The following SUSD6 variants were observed in gnomAD, a reference collection of about 807,000 sequenced individuals.
The protein encoded by SUSD6 is sushi domain-containing protein 6.
Under a neutral mutation model 28.4 loss-of-function variants are expected in SUSD6, and 16 were observed. The observed-to-expected ratio is 0.56, with a 90% CI of 0.38 to 0.86. The LOEUF (loss-of-function observed/expected upper bound fraction) is 0.86, where lower values mean the gene tolerates loss of function less well. SUSD6 is among the 40% of genes least tolerant of loss of function. The pLI is 0.00. For synonymous variants in SUSD6, 147 were observed against 159.6 expected, an observed-to-expected ratio of 0.92 and a Z score of 0.59; for missense variants, 341 against 384.2, an observed-to-expected ratio of 0.89 and a Z score of 0.94.
At chr14:69,703,688 G>C in intron 3 of SUSD6, 96 bp downstream of exon 3, 1 of 1,149,130 alleles carries the variant, frequency 8.7e-7, no homozygotes, top group Non-Finnish European at 1.3e-6. Flanking sequence ...ACTCTTTGCT[G>C]TGGTGCAGCC....
At chr14:69,646,233 T>G (rs1028999952) in intron 1 of SUSD6, among the ~76,000 whole-genome samples, 1 of 152,200 alleles carries the variant, frequency 6.6e-6, no homozygotes, top group Admixed American at 6.5e-5. Flanking sequence ...TCTCTGTCTC[T>G]CTCTTGACAT....
chr14:69,641,843 G>A (rs566450334), intron 1 of SUSD6, among the ~76,000 whole-genome samples: 120 of 152,114 alleles, frequency 7.9e-4, no homozygotes, highest in African/African-American at 2.8e-3. Context: ...GGAATCAAGA[G>A]ATCCTCCTGC....
Position 69,672,694 on chromosome 14 carries a change from A to G in SUSD6, c.121+13981A>G, listed in dbSNP as rs149792519. 5.6e-4 allele frequency among the ~76,000 whole-genome samples: 86 copies of G among 152,320 alleles called. 1 individual carries two copies. The South Asian group carries it at 0.01, about 18-fold the overall frequency. On this transcript the variant is annotated intron_variant, in intron 2 of 5. Transcript: ENST00000342745. ...GGTGTATTCTTCAGGTCTCATGTTGAAACTTCACAGAGCACCCCCGAGTGT... is the reference window on the plus strand; with the variant it reads ...GGTGTATTCTTCAGGTCTCATGTTGGAACTTCACAGAGCACCCCCGAGTGT...
intron 2 of SUSD6, among the ~76,000 whole-genome samples, chr14:69,668,357 G>T (rs1885776681): frequency 6.6e-6 from 1 of 152,082 alleles, no homozygotes; most frequent in East Asian, 1.9e-4. Context: ...ATCCCCAGCT[G>T]GGTGCAGTGG....
chr14:69,636,268 C>T (rs543420094), intron 1 of SUSD6, among the ~76,000 whole-genome samples: 36 of 152,308 alleles, frequency 2.4e-4, no homozygotes, highest in African/African-American at 5.3e-4. Context: ...AAGGCATAGA[C>T]GGAGGTGACA....
At position 69,614,004 on chromosome 14, in the gene SUSD6, C is replaced by G. The variant is rs78593883; in HGVS notation, c.-81+2176C>G. 3.5e-3 allele frequency among the ~76,000 whole-genome samples: 526 copies of G among 152,312 alleles called. 3 individuals are homozygous for G. The highest frequency in any genetic ancestry group is 0.017 in the Middle Eastern group (5 of 294). ...GATACAGGCTGGCAGATAAAGAGAC[C>G]TCAGCACTTTGTCTGTTTTCCTGGT... On this transcript the variant is annotated intron_variant, in intron 1 of 5. Coordinates refer to ENST00000342745, the MANE Select transcript of SUSD6 (RefSeq NM_014734.4).
At chr14:69,628,719 G>GTTT (rs11357371) in intron 1 of SUSD6, among the ~76,000 whole-genome samples, 22 of 120,334 alleles carry the variant, frequency 1.8e-4, no homozygotes, top group African/African-American at 2.7e-4. Flanking sequence ...CCTGTGGTGG[G>GTTT]TTTTTTTTTT....
chr14:69,627,800 G>C (rs1394120398), intron 1 of SUSD6, among the ~76,000 whole-genome samples: 2 of 152,098 alleles, frequency 1.3e-5, no homozygotes, highest in African/African-American at 4.8e-5. Flanking sequence ...AGATGTTCTT[G>C]CTGTCAGAAT....
intron 4 of SUSD6, among the ~76,000 whole-genome samples, chr14:69,708,462 T>G (rs1886414678): frequency 6.6e-6 from 1 of 152,192 alleles, no homozygotes; most frequent in African/African-American, 2.4e-5. Context: ...GGCAAGTTAA[T>G]TAACTTCTCT....
At chr14:69,669,268 T>C (rs1885794326) in intron 2 of SUSD6, among the ~76,000 whole-genome samples, 1 of 152,082 alleles carries the variant, frequency 6.6e-6, no homozygotes, top group Non-Finnish European at 1.5e-5. Context: ...TTCACCATGT[T>C]GGCCAGGATG....
intron 2 of SUSD6, among the ~76,000 whole-genome samples, chr14:69,697,137 C>T (rs1886236255): frequency 6.6e-6 from 1 of 152,140 alleles, no homozygotes; most frequent in Admixed American, 6.5e-5. Flanking sequence ...CATTTGTGAA[C>T]TGTCATGGCT....
intron 1 of SUSD6, among the ~76,000 whole-genome samples, chr14:69,648,288 G>A (rs1237595346): frequency 6.6e-6 from 1 of 152,206 alleles, no homozygotes; most frequent in Non-Finnish European, 1.5e-5. Context: ...TAAAGAGAAT[G>A]CTGAAGTAGC....
chr14:69,671,285 T>C (rs1885827795), intron 2 of SUSD6, among the ~76,000 whole-genome samples: 1 of 152,172 alleles, frequency 6.6e-6, no homozygotes, highest in Admixed American at 6.5e-5. Context: ...AGGATGTTAA[T>C]TTTAGGTACA....
chr14:69,665,301 C>T (rs1885722975), intron 2 of SUSD6, among the ~76,000 whole-genome samples: 1 of 152,116 alleles, frequency 6.6e-6, no homozygotes, highest in Non-Finnish European at 1.5e-5. Context: ...AGTGCAGTGG[C>T]TCTGTCACAG....
chr14:69,695,221 C>T (rs1361639893), intron 2 of SUSD6, among the ~76,000 whole-genome samples: 1 of 152,050 alleles, frequency 6.6e-6, no homozygotes, highest in African/African-American at 2.4e-5. Context: ...AGCCAGAAGG[C>T]TGGGCAGAGC....
intron 1 of SUSD6, among the ~76,000 whole-genome samples, chr14:69,622,733 A>C (rs954225066): frequency 6.6e-6 from 1 of 152,026 alleles, no homozygotes; most frequent in Non-Finnish European, 1.5e-5. Context: ...AGCTGGGATT[A>C]CAGGCGCCCA....
chr14:69,678,966 T>A (rs1238303237), intron 2 of SUSD6, among the ~76,000 whole-genome samples: 4 of 152,210 alleles, frequency 2.6e-5, no homozygotes, highest in Admixed American at 6.5e-5. Context: ...ACTTTCTGCA[T>A]ATTCTTCACA....
At chr14:69,622,982 T>A (rs1247034598) in intron 1 of SUSD6, among the ~76,000 whole-genome samples, 1 of 152,196 alleles carries the variant, frequency 6.6e-6, no homozygotes, top group Admixed American at 6.5e-5. Flanking sequence ...TGGCAACCAG[T>A]ATGCATATGG....
In SUSD6 at chr14:69,681,385, C is replaced by A. The variant is rs747922611; in HGVS notation, c.122-22010C>A. Reference sequence around the variant, plus strand: ...GCCTAAAAAAATAAAACTTTATAAACCCTGGACATCTGTTAGACATGCAAA... The same window carrying A: ...GCCTAAAAAAATAAAACTTTATAAAACCTGGACATCTGTTAGACATGCAAA... On this transcript the variant is annotated intron_variant, in intron 2 of 5. Transcript: ENST00000342745. Among the ~76,000 whole-genome samples the A allele has an allele frequency of 8.9e-4, 136 of 152,318 alleles. 1 individual carries two copies. Among genetic ancestry groups the A allele is most frequent in the Non-Finnish European group, 1.6e-3 (107 of 68,022 alleles).
Sources: allele counts gnomAD v4.1 joint callset (sites outside exome capture counted in the v4.1 genomes callset), GRCh38; gene constraint gnomAD v4.1.1; transcripts MANE v1.5; gene names NCBI Gene and HGNC (gene_info 2026-07-23, HGNC 2026-07-21).